PSMG4: variants seen among roughly 807,000 people sequenced by gnomAD.
PSMG4 encodes the protein proteasome (prosome, macropain) assembly chaperone 4.
In PSMG4, 10 loss-of-function variants were observed where a neutral mutation model predicts 11.0. That is an observed-to-expected ratio of 0.91 (90% CI 0.56 to 1.54). PSMG4 has a LOEUF of 1.54. Among genes scored for constraint, PSMG4 ranks in the 40% most tolerant of loss-of-function variants. PSMG4 has a pLI of 0.00. For missense variants in PSMG4, 198 were observed against 160.9 expected, an observed-to-expected ratio of 1.23 and a Z score of -1.25; for synonymous variants, 95 against 71.3, an observed-to-expected ratio of 1.33 and a Z score of -1.68.
upstream of PSMG4, among the ~76,000 whole-genome samples, chr6:3,255,904 C>CATTTGCTGAGAAA (rs1757746572): frequency 6.6e-6 from 1 of 151,826 alleles, no homozygotes; most frequent in East Asian, 1.9e-4. Context: ...GGATAGAAAA[C>CATTTGCTGAGAAA]ACATTTGCTG....
At chr6:3,255,009 T>A, upstream of PSMG4, 2 of 1,543,324 alleles carry the variant, frequency 1.3e-6, no homozygotes, top group South Asian at 1.2e-5. Flanking sequence ...CACTCCCATG[T>A]GGGAGCGCTG....
chr6:3,260,396 G>A (rs1317625147), intron 1 of PSMG4, among the ~76,000 whole-genome samples: 1 of 149,664 alleles, frequency 6.7e-6, no homozygotes, highest in Non-Finnish European at 1.5e-5. Flanking sequence ...GGTTCAAGCA[G>A]TTCTGCCTCA....
chr6:3,266,272 C>G (rs1182673087), intron 2 of PSMG4: 1 of 152,166 alleles, frequency 6.6e-6, no homozygotes, highest in Non-Finnish European at 1.5e-5. Flanking sequence ...GGGACCATAG[C>G]TCAGATGGCA....
At chr6:3,259,917 C>A (rs564254579) in intron 1 of PSMG4, among the ~76,000 whole-genome samples, 1 of 152,142 alleles carries the variant, frequency 6.6e-6, no homozygotes, top group South Asian at 2.1e-4. Flanking sequence ...TGCCACAGAC[C>A]GCGTGGCTTA....
upstream of PSMG4, among the ~76,000 whole-genome samples, chr6:3,254,520 G>C (rs989177854): frequency 6.6e-6 from 1 of 152,000 alleles, no homozygotes; most frequent in African/African-American, 2.4e-5. Flanking sequence ...GGGTTTATGA[G>C]CTGTAACAAT....
chr6:3,255,353 T>C (rs1757725131), upstream of PSMG4: 4 of 1,446,478 alleles, frequency 2.8e-6, no homozygotes, highest in African/African-American at 1.4e-5. Context: ...ATGTAGTTGC[T>C]TAATTTTTCC....
upstream of PSMG4, among the ~76,000 whole-genome samples, chr6:3,258,722 C>T (rs1469512773): frequency 1.3e-5 from 2 of 152,206 alleles, no homozygotes; most frequent in Non-Finnish European, 2.9e-5. Flanking sequence ...AGGTCACTGT[C>T]GCACTCTGCT....
At chr6:3,255,788 C>T (rs564619737), upstream of PSMG4, among the ~76,000 whole-genome samples, 1 of 152,322 alleles carries the variant, frequency 6.6e-6, no homozygotes, top group African/African-American at 2.4e-5. Flanking sequence ...CAGAGAGTCC[C>T]AATCTTTTCA....
chr6:3,259,500 C>T (rs543416408), intron 1 of PSMG4, among the ~76,000 whole-genome samples: 85 of 152,354 alleles, frequency 5.6e-4, no homozygotes, highest in African/African-American at 2.0e-3. Context: ...GACGCGTCTG[C>T]CTCGTAGCTC....
Position 3,258,985 on chromosome 6 carries a change from C to G in PSMG4, c.-38C>G, listed in dbSNP as rs1045730981. 324 of 1,238,120 alleles carry G rather than the reference C, an allele frequency of 2.6e-4. 1 individual carries two copies. The highest frequency in any genetic ancestry group is 3.2e-4 in the Non-Finnish European group (314 of 990,426). The allele number at this position is 1,238,120 out of a possible 1,614,324, so 76.7% of individuals were successfully genotyped here. A position where few individuals can be genotyped will look rare whatever the true frequency, so the allele number is the denominator to read the frequency against. On this transcript the variant is annotated 5_prime_UTR_variant, in exon 1 of 3. Coordinates refer to ENST00000438998, the MANE Select transcript of PSMG4 (RefSeq NM_001128591.2). Reference sequence around the variant, plus strand: ...TGGCGGGGCTGGCAGCGGCGAGGACCCGGGTCTGGCGCTGTGGGCCGGGAG... The same window carrying G: ...TGGCGGGGCTGGCAGCGGCGAGGACGCGGGTCTGGCGCTGTGGGCCGGGAG...
chr6:3,256,215 C>G (rs1221634638), upstream of PSMG4, among the ~76,000 whole-genome samples: 1 of 152,196 alleles, frequency 6.6e-6, no homozygotes, highest in East Asian at 1.9e-4. Context: ...TGGTTTTCTC[C>G]ACTATGATAG....
intron 2 of PSMG4, chr6:3,267,153 C>T (rs999744797): frequency 6.7e-6 from 1 of 148,844 alleles, no homozygotes; most frequent in African/African-American, 2.5e-5. Flanking sequence ...CCGCTCCCGG[C>T]CATTTTTTGT....
chr6:3,264,234 C>T (rs773719927), intron 2 of PSMG4: 1 of 1,551,358 alleles, frequency 6.4e-7, no homozygotes. Flanking sequence ...CTGGCCTGGC[C>T]TGTGAGTGTG....
At chr6:3,255,230 G>C (rs756682507), upstream of PSMG4, 30 of 1,549,472 alleles carry the variant, frequency 1.9e-5, no homozygotes, top group Non-Finnish European at 1.6e-5. Context: ...ATCAACTCTG[G>C]TAAGCCTTCC....
rs1014956042 is a variant in PSMG4 at position 3,258,978 on chromosome 6, C to G, written c.-45C>G. The stretch of plus-strand genomic sequence containing the variant: ...TCGGGTCTGGCGGGGCTGGCAGCGG[C>G]GAGGACCCGGGTCTGGCGCTGTGGG... On this transcript the variant is annotated 5_prime_UTR_variant, in exon 1 of 3. Coordinates refer to ENST00000438998, the MANE Select transcript of PSMG4 (RefSeq NM_001128591.2). 20 of 1,235,874 alleles carry G rather than the reference C, an allele frequency of 1.6e-5. No homozygotes were observed. Among genetic ancestry groups the G allele is most frequent in the Non-Finnish European group, 2.0e-5 (20 of 988,802 alleles). The allele number at this position is 1,235,874 out of a possible 1,614,324, so 76.6% of individuals were successfully genotyped here. A position where few individuals can be genotyped will look rare whatever the true frequency, so the allele number is the denominator to read the frequency against.
chr6:3,262,669 A>G (rs1758034170), intron 1 of PSMG4, among the ~76,000 whole-genome samples: 1 of 152,228 alleles, frequency 6.6e-6, no homozygotes, highest in Admixed American at 6.5e-5. Flanking sequence ...ACCAAACCCC[A>G]AAGTCTCTGT....
chr6:3,256,053 C>T (rs1757751242), upstream of PSMG4, among the ~76,000 whole-genome samples: 1 of 152,230 alleles, frequency 6.6e-6, no homozygotes, highest in Non-Finnish European at 1.5e-5. Flanking sequence ...CAGGACTTGA[C>T]TGAATTAAAT....
At chr6:3,258,766 G>A (rs925825346), upstream of PSMG4, 3 of 347,436 alleles carry the variant, frequency 8.6e-6, no homozygotes, top group Middle Eastern at 7.6e-4. Context: ...GTCCAGAGAG[G>A]TACTGGTGTG....
chr6:3,254,426 G>A (rs375398397), upstream of PSMG4, among the ~76,000 whole-genome samples: 36 of 148,212 alleles, frequency 2.4e-4, no homozygotes, highest in Middle Eastern at 3.2e-3. Context: ...GAGGAGGTAT[G>A]GCTTTGTGCT....
Sources: gnomAD v4.1 joint callset for allele counts (sites outside exome capture counted in the v4.1 genomes callset) on GRCh38, gnomAD v4.1.1 for gene constraint, MANE v1.5 for transcripts, NCBI Gene and HGNC (gene_info 2026-07-23, HGNC 2026-07-21) for gene names.